The following SLC12A9 variants were observed in gnomAD, a reference collection of about 807,000 sequenced individuals.
The protein encoded by SLC12A9 is CCC-interacting protein 1.
Under a neutral mutation model 66.0 loss-of-function variants are expected in SLC12A9, and 55 were observed. The ratio of observed to expected loss-of-function variants is 0.83; its 90% CI spans 0.67 to 1.04. The LOEUF is 1.04. Ranked by LOEUF, SLC12A9 falls within the 50% of genes least tolerant of loss-of-function variation. SLC12A9 has a pLI of 0.00. For missense variants in SLC12A9, 1,061 were observed against 1,241.9 expected (o/e 0.85, Z 2.19); for synonymous variants, 577 against 569.0 (o/e 1.01, Z -0.20).
Position 100,859,123 on chromosome 7 carries a change from T to G in SLC12A9, c.939T>G (p.Tyr313Ter), listed in dbSNP as rs956507949. The change falls in exon 7 of 14, where the codon TAT becomes TAG. Residue 313 changes from tyrosine (Y) to a stop codon, truncating the protein, a stop_gained. Coordinates refer to ENST00000354161, the MANE Select transcript of SLC12A9 (RefSeq NM_020246.4). LOFTEE classifies it high-confidence loss of function. ...IVAVAYTFFV[Y>*]VLLFFLSSFT... ...CCGTCGCCTACACCTTCTTCGTCTATGTCCTGCTTTTCTTTCTCTCCAGCT... is the reference window on the plus strand; with the variant it reads ...CCGTCGCCTACACCTTCTTCGTCTAGGTCCTGCTTTTCTTTCTCTCCAGCT... 9 of 1,613,970 alleles carry G rather than the reference T, an allele frequency of 5.6e-6. No homozygotes were observed. The highest frequency in any genetic ancestry group is 2.7e-5 in the African/African-American group (2 of 74,936).
chr7:100,837,420 C>T (rs1813683098), intron 1 of SLC12A9: 3 of 152,238 alleles, frequency 2.0e-5, no homozygotes, highest in Admixed American at 2.0e-4. Context: ...GAAAAAGCGG[C>T]GGTGTGGACG....
exon 1 of SLC12A9, chr7:100,826,875 C>A (rs1813412968): frequency 7.4e-7 from 1 of 1,353,702 alleles, no homozygotes; most frequent in Admixed American, 2.4e-5. Flanking sequence ...CTGCAGTGCC[C>A]GGGTAGGGGT....
At chr7:100,848,083 C>CAAAA (rs36071720), upstream of SLC12A9, among the ~76,000 whole-genome samples, 16 of 43,940 alleles carry the variant, frequency 3.6e-4, no homozygotes, top group South Asian at 2.4e-3. Context: ...GACTCCATCT[C>CAAAA]AAAAAAAAAA....
Position 100,866,705 on chromosome 7 carries a change from G to A in SLC12A9, c.*100G>A. The A allele has an allele frequency of 7.7e-7, 1 of 1,292,152 alleles. No individual in the cohort carries two copies. The highest frequency in any genetic ancestry group is 2.4e-4 in the Middle Eastern group (1 of 4,216). The allele number at this position is 1,292,152 out of a possible 1,614,324, so 80.0% of individuals were successfully genotyped here. On this transcript the variant is annotated 3_prime_UTR_variant, in exon 14 of 14. Coordinates refer to ENST00000354161, the MANE Select transcript of SLC12A9 (RefSeq NM_020246.4). This position sits in a 1 kb window ranked among gnomAD's most constrained non-coding sequence, Gnocchi z 7.3. ...GGAGGCCACTGTGGCCCGTGGCCCT[G>A]CCCTTGGGACGTGGAGCCCAGGGGA...
At chr7:100,835,328 C>T (rs921667407) in intron 1 of SLC12A9, among the ~76,000 whole-genome samples, 6 of 145,024 alleles carry the variant, frequency 4.1e-5, no homozygotes, top group East Asian at 2.0e-4. Context: ...GCACTCCAGC[C>T]GGGGCAACAA....
At chr7:100,855,928 G>C in intron 4 of SLC12A9, 91 bp downstream of exon 4, 1 of 1,497,568 alleles carries the variant, frequency 6.7e-7, no homozygotes, top group Non-Finnish European at 8.9e-7. Flanking sequence ...CCAGCAGAGG[G>C]GCAGACTGAG....
chr7:100,859,044 C>T lies in SLC12A9; in HGVS notation c.866-6C>T. The T allele has an allele frequency of 1.2e-6, 2 of 1,612,508 alleles. No individual in the cohort carries two copies. On this transcript the variant is annotated splice_region_variant and splice_polypyrimidine_tract_variant and intron_variant, in intron 6 of 13. Coordinates refer to ENST00000354161, the MANE Select transcript of SLC12A9 (RefSeq NM_020246.4). Reference sequence around the variant, plus strand: ...TGACCTCACTCCCTCTGCTCCCCCTCTCCAGGGGAGCTGAAGGACCCCAGC... The same window carrying T: ...TGACCTCACTCCCTCTGCTCCCCCTTTCCAGGGGAGCTGAAGGACCCCAGC...
intron 3 of SLC12A9, 111 bp from the exon 4 acceptor site, chr7:100,855,595 C>T: frequency 6.8e-7 from 1 of 1,460,714 alleles, no homozygotes; most frequent in Non-Finnish European, 9.5e-7. Flanking sequence ...TTGGGCAAAG[C>T]CACATGGCTG....
At position 100,866,255 on chromosome 7, in the gene SLC12A9, C is replaced by T. The variant is rs1435871125; in HGVS notation, c.2395C>T (p.Gln799Ter). ...LSQLRIRAEV[Q>*]EVVWGEGAGA... ...CCAACTGAGGATCCGGGCTGAGGTG[C>T]AGGAGGTGGTGTGGGGCGAGGGGGC... The change falls in exon 14 of 14, where the codon CAG becomes TAG. Residue 799 changes from glutamine to a stop codon, truncating the protein, a stop_gained. Transcript: ENST00000354161. LOFTEE classifies it low-confidence loss of function (END_TRUNC). The surrounding 1 kb of genome is among the most constrained non-coding windows in gnomAD (Gnocchi z 7.3). 8 of 1,587,394 alleles carry T rather than the reference C, an allele frequency of 5.0e-6. No homozygotes were observed. Among genetic ancestry groups the T allele is most frequent in the Non-Finnish European group, 6.9e-6 (8 of 1,167,004 alleles).
At chr7:100,852,595 G>A (rs370304326), upstream of SLC12A9, 146 of 152,532 alleles carry the variant, frequency 9.6e-4, 4 homozygotes, top group South Asian at 0.029. Context: ...ATCCCCGGGC[G>A]CACGTGGAGC....
chr7:100,858,992 A>C, intron 6 of SLC12A9, 50 bp downstream of exon 6: 1 of 1,611,584 alleles, frequency 6.2e-7, no homozygotes, highest in Admixed American at 1.7e-5. Flanking sequence ...TGCCACCGTG[A>C]GGGACCCAGG....
At chr7:100,859,750 C>T in intron 7 of SLC12A9, 135 bp from the exon 8 acceptor site, 1 of 1,110,744 alleles carries the variant, frequency 9.0e-7, no homozygotes, top group East Asian at 2.4e-5. Context: ...TGATTAAATC[C>T]AAGGCTGCCC....
chr7:100,859,547 C>A (rs931973817), intron 7 of SLC12A9: 33 of 371,564 alleles, frequency 8.9e-5, no homozygotes, highest in Non-Finnish European at 1.2e-4. Context: ...AAGAGCCTCC[C>A]CCCAAATACA....
chr7:100,836,843 A>C (rs1204138366), intron 1 of SLC12A9, among the ~76,000 whole-genome samples: 1 of 88,892 alleles, frequency 1.1e-5, no homozygotes, highest in East Asian at 3.7e-4. Flanking sequence ...AATCCTGGGG[A>C]GTTTACAGCA....
upstream of SLC12A9, among the ~76,000 whole-genome samples, chr7:100,850,822 C>T (rs927893355): frequency 1.3e-5 from 2 of 150,944 alleles, no homozygotes; most frequent in African/African-American, 2.4e-5. Context: ...CGTGTTCAAG[C>T]TATTCTCCTG....
intron 1 of SLC12A9, chr7:100,827,063 A>T: frequency 6.4e-7 from 1 of 1,560,324 alleles, no homozygotes; most frequent in Non-Finnish European, 8.7e-7. Context: ...ATCCGAACTG[A>T]GTTTGGGGGG....
chr7:100,863,393 A>G (rs1030544381), intron 13 of SLC12A9, among the ~76,000 whole-genome samples: 5 of 151,938 alleles, frequency 3.3e-5, no homozygotes, highest in Admixed American at 1.3e-4. Flanking sequence ...CTGATCCAAA[A>G]ATTGGGGCAT....
chr7:100,861,585 G>GTAT lies in SLC12A9; in HGVS notation c.1536+2_1536+4dup, dbSNP rs1229546960. The GTAT allele has an allele frequency of 6.2e-7, 1 of 1,612,344 alleles. No individual in the cohort carries two copies. The highest frequency in any genetic ancestry group is 1.3e-5 in the African/African-American group (1 of 74,866). Reference sequence around the variant, plus strand: ...CAGCCAGGCCTTGCTTTTCCACCAGGTATGGGGAGCTGGTGGGGCGGTGGG... The same window carrying GTAT: ...CAGCCAGGCCTTGCTTTTCCACCAGGTATTATGGGGAGCTGGTGGGGCGGTGGG... On this transcript the variant is annotated splice_donor_variant, in intron 11 of 13. Coordinates refer to ENST00000354161, the MANE Select transcript of SLC12A9 (RefSeq NM_020246.4). LOFTEE classifies it high-confidence loss of function. This position sits in a 1 kb window ranked among gnomAD's most constrained non-coding sequence, Gnocchi z 5.3.
chr7:100,863,270 T>A (rs1814876158), intron 13 of SLC12A9, among the ~76,000 whole-genome samples: 1 of 152,132 alleles, frequency 6.6e-6, no homozygotes, highest in Non-Finnish European at 1.5e-5. Context: ...TTCACCATGT[T>A]GCCCAGGCCA....
Sources: allele counts gnomAD v4.1 joint callset (sites outside exome capture counted in the v4.1 genomes callset), GRCh38; gene constraint gnomAD v4.1.1; non-coding constraint Gnocchi (gnomAD v3.1); transcripts MANE v1.5; gene names NCBI Gene and HGNC (gene_info 2026-07-23, HGNC 2026-07-21).